The following PSEN1 variants were observed in gnomAD, a reference collection of about 807,000 sequenced individuals.
PSEN1 encodes presenilin-1.
A neutral mutation model predicts 53.5 loss-of-function variants in PSEN1; 15 were observed. That is an observed-to-expected ratio of 0.28 (90% CI 0.19 to 0.43). The LOEUF (loss-of-function observed/expected upper bound fraction) is 0.43. Among genes scored for constraint, PSEN1 ranks in the 20% least tolerant of loss-of-function variants. The pLI, the probability that PSEN1 is intolerant of heterozygous loss-of-function variation, is 1.00. For missense variants in PSEN1, 387 were observed against 571.2 expected (o/e 0.68, Z 3.29); for synonymous variants, 208 against 209.8 (o/e 0.99, Z 0.08).
intron 9 of PSEN1, among the ~76,000 whole-genome samples, chr14:73,208,150 C>T (rs550223893): frequency 2.0e-4 from 31 of 152,304 alleles, no homozygotes; most frequent in African/African-American, 7.2e-4. Flanking sequence ...CTGGACTCCC[C>T]GAAGGGCCAC....
At chr14:73,161,306 G>A (rs1199886597) in intron 3 of PSEN1, among the ~76,000 whole-genome samples, 1 of 152,154 alleles carries the variant, frequency 6.6e-6, no homozygotes, top group East Asian at 1.9e-4. Flanking sequence ...AGTTCTGTAG[G>A]TTGCCTTTTC....
At chr14:73,168,681 C>T (rs1225272681) in intron 3 of PSEN1, 1 of 152,288 alleles carries the variant, frequency 6.6e-6, no homozygotes, top group African/African-American at 2.4e-5. Flanking sequence ...GAACCACTTC[C>T]ATCGTGCAAT....
intron 3 of PSEN1, among the ~76,000 whole-genome samples, chr14:73,148,495 C>T (rs1239179419): frequency 1.3e-5 from 2 of 152,106 alleles, no homozygotes; most frequent in African/African-American, 4.8e-5. Context: ...TTGTACAATG[C>T]AAGGATAAGT....
At chr14:73,217,051 C>T (rs894951443) in intron 10 of PSEN1, 75 bp from the exon 11 acceptor site, 39 of 1,442,252 alleles carry the variant, frequency 2.7e-5, no homozygotes, top group Admixed American at 2.7e-4. Context: ...TTGAGTAGGG[C>T]AGTGATATTT....
At chr14:73,202,437 TATATATATATATATATA>T (rs1899239403) in intron 8 of PSEN1, among the ~76,000 whole-genome samples, 1 of 15,202 alleles carries the variant, frequency 6.6e-5, no homozygotes, top group Non-Finnish European at 1.3e-4. Context: ...TATATATATA[TATATATATATATATATA>T]TATATATATT....
chr14:73,162,660 T>C (rs1460425520), intron 3 of PSEN1, among the ~76,000 whole-genome samples: 1 of 151,988 alleles, frequency 6.6e-6, no homozygotes, highest in African/African-American at 2.4e-5. Context: ...GTCTCAAAGA[T>C]AAGAAGAATG....
At chr14:73,172,767 G>A (rs1298815496) in intron 4 of PSEN1, among the ~76,000 whole-genome samples, 1 of 152,244 alleles carries the variant, frequency 6.6e-6, no homozygotes, top group Non-Finnish European at 1.5e-5. Context: ...GAGGTAGGCA[G>A]TCCAGATTAG....
chr14:73,196,474 A>ATTTTTTTT (rs35294154), intron 7 of PSEN1, among the ~76,000 whole-genome samples: 5 of 102,282 alleles, frequency 4.9e-5, no homozygotes, highest in African/African-American at 7.9e-5. Flanking sequence ...GAGGCATGAA[A>ATTTTTTTT]TTTTTTTTTT....
chr14:73,210,048 A>C (rs1691718637), intron 9 of PSEN1, among the ~76,000 whole-genome samples: 1 of 152,230 alleles, frequency 6.6e-6, no homozygotes. Context: ...TCCCTAGTTG[A>C]AAAATCACTG....
At chr14:73,163,768 T>A (rs1327625008) in intron 3 of PSEN1, among the ~76,000 whole-genome samples, 1 of 152,000 alleles carries the variant, frequency 6.6e-6, no homozygotes, top group Admixed American at 6.6e-5. Context: ...GAAGGCCAGT[T>A]TGAGAAAAGG....
At chr14:73,214,651 TAC>T (rs961130134) in intron 10 of PSEN1, among the ~76,000 whole-genome samples, 3 of 152,222 alleles carry the variant, frequency 2.0e-5, no homozygotes, top group African/African-American at 7.2e-5. Flanking sequence ...TCTGACATGT[TAC>T]AACATGAATA....
intron 8 of PSEN1, among the ~76,000 whole-genome samples, chr14:73,201,303 G>A (rs1257391296): frequency 3.3e-5 from 5 of 152,224 alleles, no homozygotes; most frequent in Non-Finnish European, 7.4e-5. Flanking sequence ...AGCCAGGATG[G>A]TCTCGATCTC....
chr14:73,140,362 C>T (rs1163715239), intron 1 of PSEN1, among the ~76,000 whole-genome samples: 1 of 151,840 alleles, frequency 6.6e-6, no homozygotes, highest in Non-Finnish European at 1.5e-5. Context: ...AGGCGTGTGC[C>T]ACCACACTGG....
chr14:73,146,186 T>A (rs1897066380), intron 1 of PSEN1: 1 of 132,888 alleles, frequency 7.5e-6, no homozygotes, highest in African/African-American at 3.3e-5. Flanking sequence ...TAAAAAATCT[T>A]TTTTTTTTTT....
At chr14:73,163,429 G>C (rs1267553153) in intron 3 of PSEN1, among the ~76,000 whole-genome samples, 1 of 152,140 alleles carries the variant, frequency 6.6e-6, no homozygotes, top group African/African-American at 2.4e-5. Flanking sequence ...AATTAGCCGA[G>C]CTTCACAAAC....
rs554458653 is a variant in PSEN1 at position 73,223,662 on chromosome 14, T to C, written c.*4373T>C. ...TAGCTGATTGCAGATTTTCTGTATT[T>C]GTCAGATTAATAAAGACTGCATGAA... On this transcript the variant is annotated 3_prime_UTR_variant, in exon 12 of 12. Transcript: ENST00000324501. 28 of 152,362 alleles carry C rather than the reference T, an allele frequency of 1.8e-4. No homozygotes were observed. The highest frequency in any genetic ancestry group is 6.7e-4 in the African/African-American group (28 of 41,582). 9.4% of individuals were successfully genotyped at this position (152,362 alleles called of 1,614,324 possible). A position where few individuals can be genotyped will look rare whatever the true frequency, so the allele number is the denominator to read the frequency against.
At position 73,193,237 on chromosome 14, in the gene PSEN1, GAGGTCA is replaced by G. The variant is rs570584451; in HGVS notation, c.769+377_769+382del. Among the ~76,000 whole-genome samples, 23 of 152,194 alleles carry G rather than the reference GAGGTCA, an allele frequency of 1.5e-4. No homozygotes were observed. In the East Asian group the frequency reaches 3.9e-3, roughly 26 times the overall value. ...AGGTGGGAGGATCGATTGAGCCCAG[GAGGTCA>G]AGGCTGCAGTGAGCCATGATTGCAT... On this transcript the variant is annotated intron_variant, in intron 7 of 11. Coordinates refer to ENST00000324501, the MANE Select transcript of PSEN1 (RefSeq NM_000021.4).
intron 1 of PSEN1, chr14:73,146,077 G>C (rs1897061687): frequency 6.6e-6 from 1 of 151,984 alleles, no homozygotes; most frequent in Non-Finnish European, 1.5e-5. Context: ...CTACATTGCA[G>C]CCTGGGTGAC....
intron 5 of PSEN1, among the ~76,000 whole-genome samples, chr14:73,176,653 A>G (rs1164032732): frequency 1.3e-5 from 2 of 152,256 alleles, no homozygotes; most frequent in Non-Finnish European, 2.9e-5. Flanking sequence ...TTAAGCATGT[A>G]AAGGTTTTCC....
Sources: gnomAD v4.1 joint callset for allele counts (sites outside exome capture counted in the v4.1 genomes callset) on GRCh38, gnomAD v4.1.1 for gene constraint, MANE v1.5 for transcripts, NCBI Gene and HGNC (gene_info 2026-07-23, HGNC 2026-07-21) for gene names.